FNTB: variants seen among roughly 807,000 people sequenced by gnomAD.
FNTB encodes farnesyltransferase, CAAX box, subunit beta.
In FNTB, 27 loss-of-function variants were observed where a neutral mutation model predicts 59.4. The observed-to-expected ratio is 0.45, with a 90% confidence interval of 0.34 to 0.63. The LOEUF is 0.63. Ranked by LOEUF, FNTB falls within the 20% of genes least tolerant of loss-of-function variation. The pLI, the probability that FNTB is intolerant of heterozygous loss-of-function variation, is 0.02. For missense variants in FNTB, 449 were observed against 559.6 expected, an observed-to-expected ratio of 0.80 and a Z score of 1.99; for synonymous variants, 230 against 220.7, an observed-to-expected ratio of 1.04 and a Z score of -0.37.
intron 11 of FNTB, among the ~76,000 whole-genome samples, chr14:65,060,105 T>C (rs1160075691): frequency 6.6e-6 from 1 of 151,842 alleles, no homozygotes; most frequent in African/African-American, 2.4e-5. Context: ...AATGCTGGGA[T>C]TACAGGCATG....
At position 65,031,739 on chromosome 14, in the gene FNTB, G is replaced by A. The variant is rs2062089155; in HGVS notation, c.606-871G>A. Among the ~76,000 whole-genome samples, 1 of 152,102 alleles carries A rather than the reference G, an allele frequency of 6.6e-6. No individual in the cohort carries two copies. The highest frequency in any genetic ancestry group is 2.4e-5 in the African/African-American group (1 of 41,454). ...AGTTTGAAACCAGCCTAGCCAACAT[G>A]GCGAAACCCCATCTCCACTAAAAAT... On this transcript the variant is annotated intron_variant, in intron 6 of 11. Coordinates refer to ENST00000246166, the MANE Select transcript of FNTB (RefSeq NM_002028.4). This position sits in a 1 kb window ranked among gnomAD's most constrained non-coding sequence, Gnocchi z 4.6.
At position 65,032,109 on chromosome 14, in the gene FNTB, T is replaced by C. The variant is rs565234029; in HGVS notation, c.606-501T>C. ...TGGACTCACCTGTTCCTATCCTTGT[T>C]TGATCTATTACAATTTGGTGGCCTG... On this transcript the variant is annotated intron_variant, in intron 6 of 11. Transcript: ENST00000246166. The surrounding 1 kb of genome is among the most constrained non-coding windows in gnomAD (Gnocchi z 5.0). 1.3e-5 allele frequency among the ~76,000 whole-genome samples: 2 copies of C among 152,122 alleles called. No individual in the cohort carries two copies. Among genetic ancestry groups the C allele is most frequent in the African/African-American group, 4.8e-5 (2 of 41,502 alleles).
At chr14:65,042,477 A>C (rs943115763) in intron 8 of FNTB, among the ~76,000 whole-genome samples, 1 of 152,160 alleles carries the variant, frequency 6.6e-6, no homozygotes, top group African/African-American at 2.4e-5. Context: ...ATGAGAATCT[A>C]ATGCTGCTGC....
rs2062499763 is a variant in FNTB, at chr14:65,047,070, A to G, written c.955+2627A>G. On this transcript the variant is annotated intron_variant, in intron 9 of 11. Coordinates refer to ENST00000246166, the MANE Select transcript of FNTB (RefSeq NM_002028.4). This position sits in a 1 kb window ranked among gnomAD's most constrained non-coding sequence, Gnocchi z 5.2. ...AATGGATGGACAACCCAACTGAAAA[A>G]CAGGCAAAGGATCTGAAGAAAGAGG... is the stretch of plus-strand genomic sequence containing the variant. Among the ~76,000 whole-genome samples, 2 of 152,218 alleles carry G rather than the reference A, an allele frequency of 1.3e-5. No homozygotes were observed. The highest frequency in any genetic ancestry group is 2.4e-5 in the African/African-American group (1 of 41,452).
chr14:65,004,147 A>G (rs2061547320), intron 1 of FNTB, 102 bp from the exon 2 acceptor site: 2 of 1,365,328 alleles, frequency 1.5e-6, no homozygotes, highest in Middle Eastern at 1.9e-4. Flanking sequence ...GACCATACCA[A>G]CCAACCCTCG....
At chr14:65,041,651 A>G (rs764834220) in intron 8 of FNTB, among the ~76,000 whole-genome samples, 18 of 152,140 alleles carry the variant, frequency 1.2e-4, no homozygotes, top group Admixed American at 4.6e-4. Flanking sequence ...GCCCATCGTG[A>G]GCTTCCTGGA....
rs2062424639 is a variant in FNTB, at chr14:65,044,217, C to A, written c.823-94C>A. The A allele has an allele frequency of 6.3e-7, 1 of 1,587,746 alleles. No individual in the cohort carries two copies. Among genetic ancestry groups the A allele is most frequent in the African/African-American group, 1.4e-5 (1 of 73,222 alleles). Reference sequence around the variant, plus strand: ...TGCCAAGAAGCCACAAGATGGGAAACCCTCCATCCCACAGATTGACTCCTG... The same window carrying A: ...TGCCAAGAAGCCACAAGATGGGAAAACCTCCATCCCACAGATTGACTCCTG... On this transcript the variant is annotated intron_variant, in intron 8 of 11. Transcript: ENST00000246166. The surrounding 1 kb of genome is among the most constrained non-coding windows in gnomAD (Gnocchi z 5.5).
chr14:65,013,561 A>G (rs1468195148), intron 3 of FNTB, among the ~76,000 whole-genome samples: 1 of 152,064 alleles, frequency 6.6e-6, no homozygotes, highest in Non-Finnish European at 1.5e-5. Context: ...ATTCTCTCAT[A>G]ATTTATGAGA....
rs1168108186 is a variant in FNTB, at chr14:65,032,367, A to G, written c.606-243A>G. ...TATTTCCTCTGATGTAGATTGGACC[A>G]TGTGGAGGTAGGGAGAATAGAATGT... On this transcript the variant is annotated intron_variant, in intron 6 of 11. Transcript: ENST00000246166. This position sits in a 1 kb window ranked among gnomAD's most constrained non-coding sequence, Gnocchi z 5.0. 2 of 406,638 alleles carry G rather than the reference A, an allele frequency of 4.9e-6. No individual in the cohort carries two copies. The highest frequency in any genetic ancestry group is 8.8e-6 in the Non-Finnish European group (2 of 227,080). 25.2% of individuals were successfully genotyped at this position (406,638 alleles called of 1,614,324 possible). A position where few individuals can be genotyped will look rare whatever the true frequency, so the allele number is the denominator to read the frequency against.
intron 10 of FNTB, 44 bp downstream of exon 10, chr14:65,053,393 G>T: frequency 1.2e-5 from 16 of 1,354,714 alleles, no homozygotes; most frequent in Non-Finnish European, 1.5e-5. Context: ...GGGGAGGAGA[G>T]AGCAGAGGGG....
intron 11 of FNTB, among the ~76,000 whole-genome samples, chr14:65,058,268 T>C (rs111883895): frequency 0.01 from 1,515 of 151,378 alleles, 17 homozygotes; most frequent in African/African-American, 0.035. Flanking sequence ...TTTTTTTTTT[T>C]CGGTTAGAGT....
intron 9 of FNTB, among the ~76,000 whole-genome samples, chr14:65,046,439 A>T (rs1426962994): frequency 6.6e-6 from 1 of 152,226 alleles, no homozygotes; most frequent in East Asian, 1.9e-4. Flanking sequence ...AATGAGCTAT[A>T]ACAGGAGCAC....
At position 65,031,643 on chromosome 14, in the gene FNTB, G is replaced by A. The variant is rs562707351; in HGVS notation, c.606-967G>A. On this transcript the variant is annotated intron_variant, in intron 6 of 11. Transcript: ENST00000246166. This position sits in a 1 kb window ranked among gnomAD's most constrained non-coding sequence, Gnocchi z 4.6. ...ATAATGCTTTTTTAAAAAATAGCCC[G>A]GGCGCGGTGGCTTATGCCTGTAATC... Among the ~76,000 whole-genome samples, 68 of 152,166 alleles carry A rather than the reference G, an allele frequency of 4.5e-4. No individual in the cohort carries two copies. The highest frequency in any genetic ancestry group is 9.1e-4 in the African/African-American group (38 of 41,556).
Position 65,027,441 on chromosome 14 carries a change from C to T in FNTB, c.375-12C>T. The T allele has an allele frequency of 6.2e-7, 1 of 1,613,628 alleles. No homozygotes were observed. The highest frequency in any genetic ancestry group is 8.5e-7 in the Non-Finnish European group (1 of 1,179,816). On this transcript the variant is annotated splice_polypyrimidine_tract_variant and intron_variant, in intron 4 of 11. Transcript: ENST00000246166. The surrounding 1 kb of genome is among the most constrained non-coding windows in gnomAD (Gnocchi z 5.7). ...CTCTGACTTTGTTTTTGCCCTTTGG[C>T]TGTGTACCTAGTGTGTGTCAGTTCC...
chr14:64,992,403 G>A (rs187176140), intron 1 of FNTB, among the ~76,000 whole-genome samples: 6 of 152,156 alleles, frequency 3.9e-5, no homozygotes, highest in Admixed American at 3.3e-4. Flanking sequence ...AGAAATGCTG[G>A]TTTTCCTCCT....
chr14:65,025,935 C>T (rs891700357), intron 4 of FNTB, among the ~76,000 whole-genome samples: 6 of 152,198 alleles, frequency 3.9e-5, no homozygotes, highest in African/African-American at 1.2e-4. Flanking sequence ...TAACCTGTGA[C>T]GTTTCAGAAC....
rs1402212084 is a variant in FNTB at position 65,029,859 on chromosome 14, G to T, written c.605+2078G>T. On this transcript the variant is annotated intron_variant, in intron 6 of 11. Coordinates refer to ENST00000246166, the MANE Select transcript of FNTB (RefSeq NM_002028.4). The surrounding 1 kb of genome is among the most constrained non-coding windows in gnomAD (Gnocchi z 4.7). ...TTCCCAATTGCAGTGATGGACTGTA[G>T]TGTTCCAATAAAAGCCCTCTGGTTT... 6.6e-6 allele frequency among the ~76,000 whole-genome samples: 1 copy of T among 152,184 alleles called. No individual in the cohort carries two copies. The highest frequency in any genetic ancestry group is 1.9e-4 in the East Asian group (1 of 5,194).
chr14:65,048,829 C>T (rs990172353), intron 9 of FNTB, among the ~76,000 whole-genome samples: 8 of 151,470 alleles, frequency 5.3e-5, no homozygotes, highest in Non-Finnish European at 1.2e-4. Context: ...CCAGCCTGAG[C>T]GACAGAGCAA....
At chr14:64,989,800 C>A (rs1302433591) in intron 1 of FNTB, among the ~76,000 whole-genome samples, 1 of 152,206 alleles carries the variant, frequency 6.6e-6, no homozygotes, top group Non-Finnish European at 1.5e-5. Context: ...CTTTATGAAA[C>A]TGTTTCTAGG....
Sources: gnomAD v4.1 joint callset for allele counts (sites outside exome capture counted in the v4.1 genomes callset) on GRCh38, gnomAD v4.1.1 for gene constraint, Gnocchi (gnomAD v3.1) non-coding constraint, MANE v1.5 for transcripts, NCBI Gene and HGNC (gene_info 2026-07-23, HGNC 2026-07-21) for gene names.